Variants in ZBTB38 observed in about 807,000 individuals in gnomAD.
ZBTB38 encodes zinc finger and BTB domain-containing protein 38.
In ZBTB38, 20 loss-of-function variants were observed where a neutral mutation model predicts 76.8. That is an observed-to-expected ratio of 0.26 (90% CI 0.18 to 0.38). ZBTB38 has a LOEUF of 0.38. Ranked by LOEUF, ZBTB38 falls within the 10% of genes least tolerant of loss-of-function variation. ZBTB38 has a pLI of 1.00. For missense variants in ZBTB38, 1,082 were observed against 1,482.3 expected, an observed-to-expected ratio of 0.73 and a Z score of 4.43; for synonymous variants, 504 against 544.2, an observed-to-expected ratio of 0.93 and a Z score of 1.03.
intron 2 of ZBTB38, among the ~76,000 whole-genome samples, chr3:141,372,220 G>A (rs1944713487): frequency 6.6e-6 from 1 of 152,200 alleles, no homozygotes; most frequent in Non-Finnish European, 1.5e-5. Flanking sequence ...GAGCTGAGGA[G>A]GAATGGAATA....
chr3:141,324,878 A>T (rs1942625604), intron 1 of ZBTB38, among the ~76,000 whole-genome samples: 1 of 152,236 alleles, frequency 6.6e-6, no homozygotes, highest in African/African-American at 2.4e-5. Flanking sequence ...TAAAATGAAG[A>T]GTGTATTTAT....
chr3:141,424,047 C>T (rs2075935272), intron 5 of ZBTB38, among the ~76,000 whole-genome samples: 1 of 152,134 alleles, frequency 6.6e-6, no homozygotes, highest in African/African-American at 2.4e-5. Flanking sequence ...AAAACCCTAG[C>T]TTTGTTTTTA....
chr3:141,428,358 A>C (rs771245109), intron 5 of ZBTB38, among the ~76,000 whole-genome samples: 12 of 152,228 alleles, frequency 7.9e-5, no homozygotes, highest in African/African-American at 1.7e-4. Flanking sequence ...GTATGTGTAC[A>C]CATTCATGTG....
rs144285420 is a variant in ZBTB38, at chr3:141,397,177, T to C, written c.-105-6750T>C. ...TAGCTAGATCTTCTGGATAACTTGC[T>C]GTAGCATCCACATCAGCACTTACTT... On this transcript the variant is annotated intron_variant, in intron 4 of 5. Coordinates refer to ENST00000321464, the MANE Select transcript of ZBTB38 (RefSeq NM_001376113.1). Among the ~76,000 whole-genome samples the C allele has an allele frequency of 2.4e-3, 359 of 152,372 alleles. 2 individuals are homozygous for C. Among genetic ancestry groups the C allele is most frequent in the African/African-American group, 8.2e-3 (340 of 41,594 alleles).
chr3:141,372,855 G>A (rs1318257512), intron 2 of ZBTB38, among the ~76,000 whole-genome samples: 1 of 152,230 alleles, frequency 6.6e-6, no homozygotes, highest in Non-Finnish European at 1.5e-5. Context: ...GTCCATTCAT[G>A]TGGGAGAATG....
At position 141,443,270 on chromosome 3, in the gene ZBTB38, A is replaced by T; in HGVS notation, c.882A>T (p.Gln294His). The T allele has an allele frequency of 6.2e-7, 1 of 1,614,242 alleles. No individual in the cohort carries two copies. Among genetic ancestry groups the T allele is most frequent in the African/African-American group, 1.3e-5 (1 of 75,058 alleles). Residue 294 changes from glutamine to histidine, a missense_variant, in exon 6 of 6, where the codon CAA becomes CAT. Transcript: ENST00000321464. This position sits in a 1 kb window ranked among gnomAD's most constrained non-coding sequence, Gnocchi z 5.6. ...CAGTATCCAACTTAGAGGTTAATCA[A>T]GAAAGAAGTCCACAACCAGCTGCTG... is the stretch of plus-strand genomic sequence containing the variant. Reference protein sequence around the residue: ...PPPVSNLEVNQERSPQPAAVL... With the variant: ...PPPVSNLEVNHERSPQPAAVL...
intron 1 of ZBTB38, among the ~76,000 whole-genome samples, chr3:141,348,218 G>A (rs1943420238): frequency 6.6e-6 from 1 of 152,070 alleles, no homozygotes; most frequent in African/African-American, 2.4e-5. Flanking sequence ...ACTATATATG[G>A]TCATATGGTA....
chr3:141,392,190 C>T (rs1313720615), intron 4 of ZBTB38, among the ~76,000 whole-genome samples: 2 of 152,120 alleles, frequency 1.3e-5, no homozygotes, highest in Non-Finnish European at 2.9e-5. Flanking sequence ...TTTTGAGAGG[C>T]CCTGAAACAT....
intron 5 of ZBTB38, chr3:141,432,031 G>A (rs1302823748): frequency 1.3e-5 from 12 of 939,850 alleles, no homozygotes; most frequent in Non-Finnish European, 1.3e-5. Flanking sequence ...ACCCCGTCAC[G>A]TGAGGAGGTC....
intron 1 of ZBTB38, among the ~76,000 whole-genome samples, chr3:141,334,297 T>G: frequency 6.6e-6 from 1 of 152,016 alleles, no homozygotes; most frequent in African/African-American, 2.4e-5. Context: ...AGGTTCTCTC[T>G]GAGGCATCTT....
chr3:141,349,058 A>G lies in ZBTB38; in HGVS notation c.-738-19563A>G, dbSNP rs539561967. Among the ~76,000 whole-genome samples the G allele has an allele frequency of 3.9e-5, 6 of 152,316 alleles. No individual in the cohort carries two copies. The East Asian group carries it at 1.2e-3, about 29-fold the overall frequency. ...AGAGAGTGATGGGGCTGAAATCACC[A>G]TGATTCATGAAATACCCCAAAGGAG... On this transcript the variant is annotated intron_variant, in intron 1 of 7. Coordinates refer to the ZBTB38 transcript ENST00000509842.
Position 141,445,357 on chromosome 3 carries a change from A to G in ZBTB38, c.2969A>G (p.Asp990Gly). Residue 990 changes from aspartate (D) to glycine (G), a missense_variant, in exon 6 of 6, where the codon GAC becomes GGC. This residue lies in a region of ZBTB38 where 471 missense variants were observed against 581.0 expected (regional missense o/e 0.81). Coordinates refer to ENST00000321464, the MANE Select transcript of ZBTB38 (RefSeq NM_001376113.1). This position sits in a 1 kb window ranked among gnomAD's most constrained non-coding sequence, Gnocchi z 6.5. ...PKLQCELCDG[D>G]KAVGAGNQGR... ...CTGCAGTGTGAACTCTGTGATGGAG[A>G]CAAAGCAGTGGGGGCTGGAAACCAA... 4 of 1,614,132 alleles carry G rather than the reference A, an allele frequency of 2.5e-6. No individual in the cohort carries two copies. Among genetic ancestry groups the G allele is most frequent in the Non-Finnish European group, 3.4e-6 (4 of 1,180,020 alleles).
intron 5 of ZBTB38, among the ~76,000 whole-genome samples, chr3:141,429,307 C>T (rs1352166305): frequency 3.9e-5 from 5 of 127,358 alleles, no homozygotes; most frequent in African/African-American, 1.2e-4. Flanking sequence ...GTGCGGGGGA[C>T]GGCGGCAGGT....
chr3:141,416,893 C>T (rs2074177903), intron 5 of ZBTB38, among the ~76,000 whole-genome samples: 2 of 152,160 alleles, frequency 1.3e-5, no homozygotes, highest in South Asian at 4.1e-4. Flanking sequence ...ACAGAGAGCA[C>T]GGCCCTGCTG....
Position 141,445,262 on chromosome 3 carries a change from G to A in ZBTB38, c.2874G>A (p.Leu958=), listed in dbSNP as rs1271593400. ...ATAAATGTAAATACCCAGCAGAACTGGATTGCGCCGTGGGGAAGGCTCCTC... is the reference window on the plus strand; with the variant it reads ...ATAAATGTAAATACCCAGCAGAACTAGATTGCGCCGTGGGGAAGGCTCCTC... ...PSHKCKYPAE[L]DCAVGKAPQD... Residue 958 remains leucine, a synonymous_variant, in exon 6 of 6, where the codon CTG becomes CTA. Transcript: ENST00000321464. The surrounding 1 kb of genome is among the most constrained non-coding windows in gnomAD (Gnocchi z 6.5). 2 of 1,614,066 alleles carry A rather than the reference G, an allele frequency of 1.2e-6. No individual in the cohort carries two copies. The highest frequency in any genetic ancestry group is 1.7e-6 in the Non-Finnish European group (2 of 1,180,040).
At chr3:141,438,693 T>A (rs1236442579) in intron 5 of ZBTB38, among the ~76,000 whole-genome samples, 1 of 151,732 alleles carries the variant, frequency 6.6e-6, no homozygotes, top group Non-Finnish European at 1.5e-5. Flanking sequence ...GGCTGCGTGA[T>A]TTTTTTTTAA....
At chr3:141,345,512 A>G (rs551068649) in intron 1 of ZBTB38, among the ~76,000 whole-genome samples, 2 of 152,234 alleles carry the variant, frequency 1.3e-5, no homozygotes, top group Middle Eastern at 3.4e-3. Flanking sequence ...TTCTCAACCC[A>G]TCTATTTGCA....
chr3:141,441,831 G>C (rs1392930359), intron 5 of ZBTB38, among the ~76,000 whole-genome samples: 1 of 152,170 alleles, frequency 6.6e-6, no homozygotes, highest in African/African-American at 2.4e-5. Flanking sequence ...TGAGAGAATC[G>C]CTTGAGCCGG....
chr3:141,352,593 A>T (rs1180119938), intron 1 of ZBTB38, among the ~76,000 whole-genome samples: 1 of 152,120 alleles, frequency 6.6e-6, no homozygotes, highest in Non-Finnish European at 1.5e-5. Context: ...TGATGATGGT[A>T]TACATGGGTG....
Sources: gnomAD v4.1 joint callset for allele counts (sites outside exome capture counted in the v4.1 genomes callset) on GRCh38, gnomAD v4.1.1 for gene constraint, gnomAD v4.1.1 regional missense constraint, Gnocchi (gnomAD v3.1) non-coding constraint, MANE v1.5 for transcripts, NCBI Gene and HGNC (gene_info 2026-07-23, HGNC 2026-07-21) for gene names.